The following PALM2AKAP2 variants were observed in gnomAD, a reference collection of about 807,000 sequenced individuals.
PALM2AKAP2 encodes the protein PALM2-AKAP2 fusion protein.
In PALM2AKAP2, 37 loss-of-function variants were observed where a neutral mutation model predicts 71.5. That is an observed-to-expected ratio of 0.52 (90% CI 0.40 to 0.68). PALM2AKAP2 has a LOEUF of 0.68. Ranked by LOEUF, PALM2AKAP2 falls within the 30% of genes least tolerant of loss-of-function variation. The pLI is 0.00. For synonymous variants in PALM2AKAP2, 468 were observed against 478.8 expected (o/e 0.98, Z 0.29); for missense variants, 1,224 against 1,191.8 (o/e 1.03, Z -0.40).
chr9:109,798,894 A>C (rs139671362), intron 1 of PALM2AKAP2, among the ~76,000 whole-genome samples: 90 of 152,344 alleles, frequency 5.9e-4, no homozygotes, highest in African/African-American at 2.1e-3. Context: ...CTGTGGCCGG[A>C]GCCCACATCA....
At chr9:110,043,714 GTGTTTTTTTTTT>G (rs1833545572), upstream of PALM2AKAP2, among the ~76,000 whole-genome samples, 1 of 98,410 alleles carries the variant, frequency 1.0e-5, no homozygotes, top group African/African-American at 4.4e-5. Flanking sequence ...GTTTTTTTTG[GTGTTTTTTTTTT>G]TTTTTTTTTT....
intron 1 of PALM2AKAP2, among the ~76,000 whole-genome samples, chr9:109,662,246 G>A (rs562340812): frequency 1.8e-4 from 27 of 152,246 alleles, no homozygotes; most frequent in African/African-American, 5.5e-4. Context: ...TCTTGTGCCA[G>A]TTTTCAAAGG....
chr9:110,006,001 C>T lies in PALM2AKAP2; in HGVS notation c.497-9953C>T, dbSNP rs546348083. ...GGTGAGGCAATGCCTCACCCTGCTT[C>T]GGCTCATGCTTGGTGTGCTGCATCC... On this transcript the variant is annotated intron_variant, in intron 6 of 9. Transcript: ENST00000302798. 1.2e-4 allele frequency among the ~76,000 whole-genome samples: 18 copies of T among 152,254 alleles called. 1 individual carries two copies. The highest frequency in any genetic ancestry group is 2.4e-4 in the African/African-American group (10 of 41,542).
intron 5 of PALM2AKAP2, among the ~76,000 whole-genome samples, chr9:109,927,950 G>A (rs1223999935): frequency 6.6e-6 from 1 of 152,150 alleles, no homozygotes; most frequent in African/African-American, 2.4e-5. Context: ...TCTGTCCTGG[G>A]CCTATCTCAG....
At chr9:109,925,577 C>A (rs1830939675) in intron 5 of PALM2AKAP2, among the ~76,000 whole-genome samples, 1 of 152,208 alleles carries the variant, frequency 6.6e-6, no homozygotes, top group African/African-American at 2.4e-5. Flanking sequence ...ACTGTCGTTT[C>A]TTTCATAGAA....
At chr9:109,843,602 T>A (rs1427682141) in intron 1 of PALM2AKAP2, among the ~76,000 whole-genome samples, 1 of 152,166 alleles carries the variant, frequency 6.6e-6, no homozygotes, top group Non-Finnish European at 1.5e-5. Flanking sequence ...CCACTCTGCA[T>A]AATAAATGTG....
intron 7 of PALM2AKAP2, among the ~76,000 whole-genome samples, chr9:110,036,839 G>A (rs1437758986): frequency 6.6e-6 from 1 of 152,044 alleles, no homozygotes; most frequent in Non-Finnish European, 1.5e-5. Context: ...ATGCTCGAAT[G>A]CTTTTCCCCT....
chr9:109,669,413 A>G (rs568248970), intron 1 of PALM2AKAP2, among the ~76,000 whole-genome samples: 1 of 151,778 alleles, frequency 6.6e-6, no homozygotes, highest in South Asian at 2.1e-4. Context: ...TTTTTTTCTT[A>G]TAATGCCTCT....
intron 6 of PALM2AKAP2, among the ~76,000 whole-genome samples, chr9:110,002,885 T>C (rs1588053114): frequency 6.6e-6 from 1 of 152,268 alleles, no homozygotes; most frequent in East Asian, 1.9e-4. Flanking sequence ...ATATCCCCTT[T>C]ATAATTTTTT....
intron 1 of PALM2AKAP2, among the ~76,000 whole-genome samples, chr9:110,076,142 C>A (rs1471472446): frequency 1.3e-5 from 2 of 152,050 alleles, no homozygotes; most frequent in Non-Finnish European, 2.9e-5. Context: ...CTCTTTATCA[C>A]CCTCTAATCT....
At chr9:109,867,597 T>A in intron 2 of PALM2AKAP2, 26 bp downstream of exon 2, 1 of 1,605,208 alleles carries the variant, frequency 6.2e-7, no homozygotes, top group Non-Finnish European at 8.5e-7. Context: ...CAGGAACCTA[T>A]TCCATTATTA....
intron 1 of PALM2AKAP2, among the ~76,000 whole-genome samples, chr9:109,744,457 T>C (rs1828768958): frequency 6.6e-6 from 1 of 152,202 alleles, no homozygotes; most frequent in African/African-American, 2.4e-5. Flanking sequence ...CTGCATGGCG[T>C]GGGCAATTTT....
At chr9:109,893,342 A>C (rs1384975920) in intron 3 of PALM2AKAP2, among the ~76,000 whole-genome samples, 1 of 152,360 alleles carries the variant, frequency 6.6e-6, no homozygotes. Flanking sequence ...GGCAGAAGAA[A>C]TAGGACAATA....
At chr9:110,080,069 C>CAAAAAAAA (rs147710381) in intron 1 of PALM2AKAP2, among the ~76,000 whole-genome samples, 1 of 75,546 alleles carries the variant, frequency 1.3e-5, no homozygotes, top group African/African-American at 5.4e-5. Context: ...GACTCTGTCT[C>CAAAAAAAA]AAAAAAAAAA....
intron 1 of PALM2AKAP2, among the ~76,000 whole-genome samples, chr9:110,112,331 G>A (rs1180744942): frequency 6.6e-6 from 1 of 152,128 alleles, no homozygotes; most frequent in Admixed American, 6.5e-5. Flanking sequence ...CCAGGGCTTG[G>A]CTCTCAACTG....
intron 3 of PALM2AKAP2, among the ~76,000 whole-genome samples, chr9:109,905,314 T>C (rs1830421750): frequency 6.6e-6 from 1 of 152,176 alleles, no homozygotes. Flanking sequence ...TCGAGGCCAT[T>C]GTCCCTGTCC....
chr9:110,070,884 AG>A (rs1376049322), intron 1 of PALM2AKAP2, among the ~76,000 whole-genome samples: 4 of 152,064 alleles, frequency 2.6e-5, no homozygotes, highest in African/African-American at 9.7e-5. Context: ...ATTAGAGGCC[AG>A]GTGTGGTAGC....
chr9:109,705,034 A>C (rs1167762995), intron 1 of PALM2AKAP2, among the ~76,000 whole-genome samples: 1 of 152,322 alleles, frequency 6.6e-6, no homozygotes, highest in East Asian at 1.9e-4. Flanking sequence ...AAAGATGATC[A>C]TAACTAGAAC....
At position 109,667,928 on chromosome 9, in the gene PALM2AKAP2, GTTTTTTTTT is replaced by G. The variant is rs1213195298; in HGVS notation, c.5+27080_5+27088del. Reference sequence around the variant, plus strand: ...AATACCTTTGAAAATGATGGCTTTGGTTTTTTTTTTTTTTTTTTTTTTTTTTGAGACGGA... The same window carrying G: ...AATACCTTTGAAAATGATGGCTTTGGTTTTTTTTTTTTTTTTTGAGACGGA... On this transcript the variant is annotated intron_variant, in intron 1 of 6. Transcript: ENST00000374531. 3.5e-5 allele frequency among the ~76,000 whole-genome samples: 2 copies of G among 56,598 alleles called. 1 individual carries two copies. Among genetic ancestry groups the G allele is most frequent in the South Asian group, 1.1e-3 (2 of 1,830 alleles). The allele number at this position is 56,598 out of a possible 152,430, so 37.1% of individuals were successfully genotyped here.
Sources: gnomAD v4.1 joint callset for allele counts (sites outside exome capture counted in the v4.1 genomes callset) on GRCh38, gnomAD v4.1.1 for gene constraint, MANE v1.5 for transcripts, NCBI Gene and HGNC (gene_info 2026-07-23, HGNC 2026-07-21) for gene names.